The following LOXHD1 variants were observed in gnomAD, a reference collection of about 807,000 sequenced individuals.
The protein encoded by LOXHD1 is lipoxygenase homology PLAT domains 1.
Under a neutral mutation model 248.2 loss-of-function variants are expected in LOXHD1, and 205 were observed. That is an observed-to-expected ratio of 0.83 (90% confidence interval 0.74 to 0.93). LOXHD1 has a LOEUF of 0.93. Ranked by LOEUF, LOXHD1 falls within the 40% of genes least tolerant of loss-of-function variation. The pLI, the probability that LOXHD1 is intolerant of heterozygous loss-of-function variation, is 0.00. For synonymous variants in LOXHD1, 1,113 were observed against 1,162.8 expected, an observed-to-expected ratio of 0.96 and a Z score of 0.87; for missense variants, 2,930 against 2,971.6, an observed-to-expected ratio of 0.99 and a Z score of 0.33.
intron 34 of LOXHD1, among the ~76,000 whole-genome samples, chr18:46,515,197 C>A (rs995466968): frequency 1.3e-5 from 2 of 152,156 alleles, no homozygotes; most frequent in African/African-American, 4.8e-5. Flanking sequence ...TGAATGCATG[C>A]ATATCTCAGC....
In LOXHD1 at chr18:46,483,744, C is replaced by T; in HGVS notation, c.6184G>A (p.Gly2062Arg). ...NSSRQRAFRKGTTDTFEFDSI... is the reference protein window; with the variant it reads ...NSSRQRAFRKRTTDTFEFDSI... ...TCAAACTCAAACGTGTCTGTGGTCC[C>T]CCTGCAGGAAACAAAAGTGTGGTCC... is the stretch of plus-strand genomic sequence containing the variant. Residue 2062 changes from glycine to arginine, a missense_variant and splice_region_variant, in exon 40 of 41, where the codon GGG (glycine) becomes AGG (arginine). Coordinates refer to ENST00000642948, the MANE Select transcript of LOXHD1 (RefSeq NM_001384474.1). 1.3e-6 allele frequency: 2 copies of T among 1,540,390 alleles called. No homozygotes were observed. The highest frequency in any genetic ancestry group is 8.8e-7 in the Non-Finnish European group (1 of 1,139,336).
chr18:46,503,456 T>C (rs2034363940), intron 37 of LOXHD1, among the ~76,000 whole-genome samples: 1 of 152,196 alleles, frequency 6.6e-6, no homozygotes, highest in South Asian at 2.1e-4. Flanking sequence ...TGATCACTGT[T>C]GAGTGTCATG....
intron 16 of LOXHD1, among the ~76,000 whole-genome samples, chr18:46,567,398 C>G (rs965811519): frequency 6.6e-5 from 10 of 152,258 alleles, no homozygotes; most frequent in Non-Finnish European, 1.3e-4. Flanking sequence ...AACGTCAGAG[C>G]TAAGTGCATG....
intron 5 of LOXHD1, 26 bp from the exon 6 acceptor site, chr18:46,610,950 A>G: frequency 6.5e-7 from 1 of 1,548,970 alleles, no homozygotes; most frequent in Non-Finnish European, 8.7e-7. Flanking sequence ...TACAAAAGAA[A>G]TTACAAAAAG....
In LOXHD1 at chr18:46,566,304, C is replaced by A. The variant is rs749683461; in HGVS notation, c.2390G>T (p.Arg797Leu). 6 of 1,551,688 alleles carry A rather than the reference C, an allele frequency of 3.9e-6. No homozygotes were observed. Among genetic ancestry groups the A allele is most frequent in the Admixed American group, 2.0e-5 (1 of 50,986 alleles). Residue 797 changes from arginine to leucine, a missense_variant, in exon 17 of 41, where the codon CGC becomes CTC. By Grantham distance (102) the Arg-to-Leu change is moderately radical. Transcript: ENST00000642948. ...RWLDKNQADG[R>L]LEVELYPSEV... ...GCTGGGATACAGCTCCACCTCCAGG[C>A]GCCCGTCAGCCTGGTTCTTGTCCAG... is the stretch of plus-strand genomic sequence containing the variant.
At chr18:46,477,078 G>A, downstream of LOXHD1, 1 of 701,834 alleles carries the variant, frequency 1.4e-6, no homozygotes, top group South Asian at 1.5e-5. Context: ...AATTTAATTA[G>A]CCTAGCTTTT....
chr18:46,566,865 T>C (rs2037653639), intron 16 of LOXHD1, among the ~76,000 whole-genome samples: 1 of 152,236 alleles, frequency 6.6e-6, no homozygotes, highest in East Asian at 1.9e-4. Context: ...AATACACAGT[T>C]GTATATATTT....
At chr18:46,576,463 C>T (rs1357184921) in intron 14 of LOXHD1, among the ~76,000 whole-genome samples, 2 of 152,126 alleles carry the variant, frequency 1.3e-5, no homozygotes, top group Non-Finnish European at 2.9e-5. Flanking sequence ...GCCCCTTGCT[C>T]ATGCCTCATG....
intron 37 of LOXHD1, among the ~76,000 whole-genome samples, chr18:46,504,365 C>A (rs1176140611): frequency 6.6e-6 from 1 of 152,194 alleles, no homozygotes; most frequent in African/African-American, 2.4e-5. Context: ...CTCAGCCTCC[C>A]AAAGTGCTGG....
intron 17 of LOXHD1, among the ~76,000 whole-genome samples, chr18:46,564,898 A>G (rs1394583818): frequency 6.6e-6 from 1 of 152,210 alleles, no homozygotes; most frequent in Non-Finnish European, 1.5e-5. Context: ...GTGATTTCAC[A>G]CTGGGGTTCC....
At chr18:46,481,246 C>G (rs961077355) in intron 40 of LOXHD1, among the ~76,000 whole-genome samples, 1 of 152,210 alleles carries the variant, frequency 6.6e-6, no homozygotes, top group Non-Finnish European at 1.5e-5. Context: ...CACGATTAAA[C>G]ATGCCTGCAA....
chr18:46,522,276 T>C lies in LOXHD1; in HGVS notation c.4910A>G (p.Lys1637Arg), dbSNP rs2035617980. 6.4e-7 allele frequency: 1 copy of C among 1,551,822 alleles called. No homozygotes were observed. ...IPYYVSVTTGKHKDAATDSRA... is the reference protein window; with the variant it reads ...IPYYVSVTTGRHKDAATDSRA... ...GCTGTCAGTGGCCGCGTCCTTGTGC[T>C]TCCCAGTGGTGACTGACACATAGTA... is the stretch of plus-strand genomic sequence containing the variant. Residue 1637 changes from lysine to arginine, a missense_variant, in exon 32 of 41, where the codon AAG (lysine) becomes AGG (arginine). Lys to Arg is a conservative substitution (Grantham distance 26). Transcript: ENST00000642948.
In LOXHD1 at chr18:46,529,171, T is replaced by A; in HGVS notation, c.4530+6A>T. On this transcript the variant is annotated splice_donor_region_variant and intron_variant, in intron 29 of 40. Coordinates refer to ENST00000642948, the MANE Select transcript of LOXHD1 (RefSeq NM_001384474.1). ...AAGGAGGGTAAACTCCGTGTGCCCCTCATACCGTTCCTCTCTCGAACTTGT... is the reference window on the plus strand; with the variant it reads ...AAGGAGGGTAAACTCCGTGTGCCCCACATACCGTTCCTCTCTCGAACTTGT... The A allele has an allele frequency of 1.3e-6, 2 of 1,551,398 alleles. No individual in the cohort carries two copies. The highest frequency in any genetic ancestry group is 1.7e-6 in the Non-Finnish European group (2 of 1,146,916).
At chr18:46,518,800 G>A in intron 33 of LOXHD1, 2 of 869,510 alleles carry the variant, frequency 2.3e-6, no homozygotes, top group Non-Finnish European at 2.8e-6. Context: ...AAAGCTCTGG[G>A]TGTCAGTTCC....
At chr18:46,571,957 C>T in intron 15 of LOXHD1, 129 bp downstream of exon 15, 1 of 778,900 alleles carries the variant, frequency 1.3e-6, no homozygotes, top group South Asian at 1.7e-5. Flanking sequence ...TCGGAGCCTC[C>T]CTCTCCTCCC....
chr18:46,594,136 G>T (rs8098573), intron 9 of LOXHD1, among the ~76,000 whole-genome samples, 195 bp downstream of exon 9: 14 of 152,116 alleles, frequency 9.2e-5, no homozygotes, highest in Non-Finnish European at 2.1e-4. Context: ...GGTGCCAGGG[G>T]TGTGACTCTA....
chr18:46,521,325 T>G (rs1308366524), intron 32 of LOXHD1, 43 bp from the exon 33 acceptor site: 1 of 1,549,150 alleles, frequency 6.5e-7, no homozygotes, highest in Non-Finnish European at 8.7e-7. Flanking sequence ...TGGGCACAAC[T>G]GGGAAGGAAG....
chr18:46,530,311 C>T (rs1195403825), intron 28 of LOXHD1, among the ~76,000 whole-genome samples: 1 of 152,182 alleles, frequency 6.6e-6, no homozygotes, highest in African/African-American at 2.4e-5. Flanking sequence ...GGACCCCTCA[C>T]CTGCACACAG....
At chr18:46,639,834 G>T (rs2038941115) in intron 3 of LOXHD1, 34 bp from the exon 4 acceptor site, 1 of 1,550,838 alleles carries the variant, frequency 6.4e-7, no homozygotes, top group African/African-American at 1.4e-5. Flanking sequence ...ACCATCACTG[G>T]CAGAACTGAA....
Sources: gnomAD v4.1 joint callset for allele counts (sites outside exome capture counted in the v4.1 genomes callset) on GRCh38, gnomAD v4.1.1 for gene constraint, MANE v1.5 for transcripts, NCBI Gene and HGNC (gene_info 2026-07-23, HGNC 2026-07-21) for gene names.